The following STON1 variants were observed in gnomAD, a reference collection of about 807,000 sequenced individuals.
STON1 encodes the protein stonin 1.
A neutral mutation model predicts 60.9 loss-of-function variants in STON1; 79 were observed. That is an observed-to-expected ratio of 1.30 (90% CI 1.08 to 1.56). STON1 has a LOEUF of 1.56. Among genes scored for constraint, STON1 ranks in the 40% most tolerant of loss-of-function variants. The pLI is 0.00. For synonymous variants in STON1, 363 were observed against 306.9 expected (o/e 1.18, Z -1.91); for missense variants, 1,166 against 858.9 (o/e 1.36, Z -4.47).
chr2:48,534,384 C>T (rs1026759368), intron 1 of STON1, among the ~76,000 whole-genome samples: 1 of 152,124 alleles, frequency 6.6e-6, no homozygotes, highest in Non-Finnish European at 1.5e-5. Context: ...CCACTAAGTG[C>T]TGGAATCAAG....
chr2:48,573,405 C>G (rs1398904485), intron 1 of STON1, among the ~76,000 whole-genome samples: 1 of 152,180 alleles, frequency 6.6e-6, no homozygotes, highest in African/African-American at 2.4e-5. Flanking sequence ...CTTTTGACAG[C>G]ATTTTCCACT....
At chr2:48,574,617 C>G (rs1231077422) in intron 1 of STON1, among the ~76,000 whole-genome samples, 2 of 152,168 alleles carry the variant, frequency 1.3e-5, no homozygotes, top group Admixed American at 1.3e-4. Context: ...AGCTATGAAA[C>G]TGGAATAATA....
chr2:48,582,516 A>T lies in STON1; in HGVS notation c.1883A>T (p.Tyr628Phe). The T allele has an allele frequency of 6.2e-7, 1 of 1,614,180 alleles. No individual in the cohort carries two copies. The highest frequency in any genetic ancestry group is 1.1e-5 in the South Asian group (1 of 91,074). Residue 628 changes from tyrosine (Y) to phenylalanine (F), a missense_variant, in exon 2 of 4, where the codon TAC (tyrosine) becomes TTC (phenylalanine). Tyr to Phe is a conservative substitution (Grantham distance 22). Coordinates refer to ENST00000404752, the MANE Select transcript of STON1 (RefSeq NM_006873.4). ...GGGTCAGCAAAATATGAGAGTGCCT[A>T]CCAGGCAGTGGTATGGAAGATAGAT... ...TVGSAKYESAYQAVVWKIDRL... is the reference protein window; with the variant it reads ...TVGSAKYESAFQAVVWKIDRL...
At chr2:48,538,976 G>A (rs897763344) in intron 1 of STON1, among the ~76,000 whole-genome samples, 8 of 151,694 alleles carry the variant, frequency 5.3e-5, no homozygotes, top group South Asian at 2.1e-4. Context: ...GGAGTGCAGC[G>A]GCACCATCAT....
Position 48,582,285 on chromosome 2 carries a change from CAT to C in STON1, c.1653_1654del (p.Leu552GlyfsTer14). The C allele has an allele frequency of 6.2e-7, 1 of 1,614,214 alleles. No homozygotes were observed. The highest frequency in any genetic ancestry group is 8.5e-7 in the Non-Finnish European group (1 of 1,180,038). ...CTTCAGGCTTTTGTCAACATGGCCT[CAT>C]TGGCGCAGAGGTCATCCTATGCTGG... On this transcript the variant is annotated frameshift_variant, in exon 2 of 4. Transcript: ENST00000404752. LOFTEE classifies it high-confidence loss of function.
chr2:48,562,455 A>G (rs896289242), intron 1 of STON1, among the ~76,000 whole-genome samples: 1 of 152,300 alleles, frequency 6.6e-6, no homozygotes, highest in South Asian at 2.1e-4. Flanking sequence ...TACTTGTGAC[A>G]AGCATTTGTT....
intron 1 of STON1, among the ~76,000 whole-genome samples, chr2:48,576,653 G>A (rs559010552): frequency 6.6e-6 from 1 of 152,108 alleles, no homozygotes; most frequent in East Asian, 1.9e-4. Flanking sequence ...CTTTTTTGGA[G>A]ACATGTTTAT....
chr2:48,564,480 TTTC>T (rs869188236), intron 1 of STON1, among the ~76,000 whole-genome samples: 50 of 32,470 alleles, frequency 1.5e-3, no homozygotes, highest in Non-Finnish European at 2.5e-3. Context: ...CTTCTTCTTC[TTTC>T]TTCTTCTTCT....
chr2:48,560,706 C>CCACAGCTGCAGTGAG (rs1311426974), intron 1 of STON1, among the ~76,000 whole-genome samples: 1 of 152,180 alleles, frequency 6.6e-6, no homozygotes, highest in South Asian at 2.1e-4. Flanking sequence ...CAACACAGCT[C>CCACAGCTGCAGTGAG]CACAGCTGCA....
In STON1 at chr2:48,530,259, C is replaced by A. The variant is rs1386960794; in HGVS notation, c.-48+43C>A. On this transcript the variant is annotated intron_variant, in intron 1 of 3. Coordinates refer to ENST00000404752, the MANE Select transcript of STON1 (RefSeq NM_006873.4). Reference sequence around the variant, plus strand: ...GGGGACAGAGACGGGAGGCCTGGGACCCCCCCTCTCCAGGGTGGGGCCTCC... The same window carrying A: ...GGGGACAGAGACGGGAGGCCTGGGAACCCCCCTCTCCAGGGTGGGGCCTCC... 8.5e-6 allele frequency: 3 copies of A among 351,694 alleles called. No individual in the cohort carries two copies. The East Asian group carries it at 2.6e-4, about 31-fold the overall frequency. 21.8% of individuals were successfully genotyped at this position (351,694 alleles called of 1,614,324 possible). A position where few individuals can be genotyped will look rare whatever the true frequency, so the allele number is the denominator to read the frequency against.
At chr2:48,568,170 G>A (rs1259785460) in intron 1 of STON1, among the ~76,000 whole-genome samples, 2 of 152,174 alleles carry the variant, frequency 1.3e-5, no homozygotes. Flanking sequence ...ACTGAGAGGT[G>A]TCGATGATGC....
chr2:48,578,513 C>T (rs1024744378), intron 1 of STON1, among the ~76,000 whole-genome samples: 7 of 148,192 alleles, frequency 4.7e-5, no homozygotes, highest in African/African-American at 1.7e-4. Context: ...TTCTCCTCCT[C>T]CTTCTCCGCT....
At chr2:48,566,329 C>G (rs906722889) in intron 1 of STON1, among the ~76,000 whole-genome samples, 2 of 152,226 alleles carry the variant, frequency 1.3e-5, no homozygotes, top group East Asian at 3.8e-4. Context: ...GTGCCCACCA[C>G]CACGCCCGGC....
intron 1 of STON1, among the ~76,000 whole-genome samples, chr2:48,533,662 C>CAAAAAAAA (rs57217272): frequency 3.6e-5 from 2 of 56,320 alleles, no homozygotes; most frequent in African/African-American, 1.3e-4. Flanking sequence ...AACTCCGTCT[C>CAAAAAAAA]AAAAAAAAAA....
intron 1 of STON1, among the ~76,000 whole-genome samples, chr2:48,579,354 G>T (rs1673739813): frequency 6.6e-6 from 1 of 152,060 alleles, no homozygotes; most frequent in Non-Finnish European, 1.5e-5. Context: ...TGTTGCCCAG[G>T]CTGGAGTGCA....
intron 1 of STON1, among the ~76,000 whole-genome samples, chr2:48,564,461 CTTCTTCTTCTTCTTCTTCTTTCTT>C (rs1558604370): frequency 7.3e-5 from 4 of 54,514 alleles, no homozygotes; most frequent in African/African-American, 2.8e-4. Context: ...TCTTCTTCTT[CTTCTTCTTCTTCTTCTTCTTTCTT>C]CTTCTTCTTC....
At chr2:48,551,832 A>G (rs1221986067) in intron 1 of STON1, among the ~76,000 whole-genome samples, 3 of 152,238 alleles carry the variant, frequency 2.0e-5, no homozygotes, top group African/African-American at 7.2e-5. Context: ...AGATCCTATC[A>G]TCCCCTGTGC....
chr2:48,535,290 A>G (rs1671378925), intron 1 of STON1, among the ~76,000 whole-genome samples: 1 of 152,180 alleles, frequency 6.6e-6, no homozygotes, highest in African/African-American at 2.4e-5. Flanking sequence ...ACAATAAATT[A>G]TCTTTCGAAA....
At chr2:48,590,227 C>T (rs1209488355) in intron 2 of STON1, among the ~76,000 whole-genome samples, 1 of 152,186 alleles carries the variant, frequency 6.6e-6, no homozygotes, top group Non-Finnish European at 1.5e-5. Flanking sequence ...TCAGAGGCCA[C>T]TGTTGTCCTA....
Sources: gnomAD v4.1 joint callset for allele counts (sites outside exome capture counted in the v4.1 genomes callset) on GRCh38, gnomAD v4.1.1 for gene constraint, MANE v1.5 for transcripts, NCBI Gene and HGNC (gene_info 2026-07-23, HGNC 2026-07-21) for gene names.